OTUD7A: variants seen among roughly 807,000 people sequenced by gnomAD.
OTUD7A encodes the protein OTU domain-containing protein 7A.
In OTUD7A, 12 loss-of-function variants were observed where a neutral mutation model predicts 65.7. The observed-to-expected ratio is 0.18, with a 90% CI of 0.12 to 0.30. The LOEUF (loss-of-function observed/expected upper bound fraction) is 0.30, where lower values mean the gene tolerates loss of function less well. Ranked by LOEUF, OTUD7A falls within the 10% of genes least tolerant of loss-of-function variation. The probability of loss-of-function intolerance (pLI) is 1.00; values close to 1 mark genes in which losing one functional copy is unlikely to be tolerated. For synonymous variants in OTUD7A, 641 were observed against 586.3 expected, an observed-to-expected ratio of 1.09 and a Z score of -1.35; for missense variants, 1,148 against 1,304.8, an observed-to-expected ratio of 0.88 and a Z score of 1.85.
At chr15:31,859,706 A>G (rs557761584) in intron 1 of OTUD7A, among the ~76,000 whole-genome samples, 13 of 152,328 alleles carry the variant, frequency 8.5e-5, no homozygotes, top group Middle Eastern at 3.4e-3. Flanking sequence ...AGGGGCTTTT[A>G]TAAAAGTCCC....
intron 3 of OTUD7A, among the ~76,000 whole-genome samples, chr15:31,578,696 C>T (rs941509569): frequency 6.6e-6 from 1 of 152,116 alleles, no homozygotes; most frequent in African/African-American, 2.4e-5. Flanking sequence ...GGACTACAGG[C>T]GCCTGCCACT....
chr15:31,672,690 T>G (rs1393037203), intron 1 of OTUD7A, among the ~76,000 whole-genome samples: 4 of 152,246 alleles, frequency 2.6e-5, no homozygotes, highest in Non-Finnish European at 5.9e-5. Flanking sequence ...ACGGGGTGTC[T>G]TCAAAAGGTG....
At chr15:31,734,017 G>A (rs1482442602) in intron 1 of OTUD7A, among the ~76,000 whole-genome samples, 2 of 152,072 alleles carry the variant, frequency 1.3e-5, no homozygotes, top group Non-Finnish European at 2.9e-5. Flanking sequence ...ACACTGTCAA[G>A]CAGAGTTCTA....
chr15:31,571,934 TG>T (rs1478230014), intron 3 of OTUD7A, among the ~76,000 whole-genome samples: 3 of 152,300 alleles, frequency 2.0e-5, no homozygotes, highest in Middle Eastern at 3.4e-3. Context: ...GGACACTCTA[TG>T]GTCCCTTCAC....
intron 1 of OTUD7A, among the ~76,000 whole-genome samples, chr15:31,699,913 A>C (rs1893174959): frequency 6.6e-6 from 1 of 152,024 alleles, no homozygotes; most frequent in Non-Finnish European, 1.5e-5. Flanking sequence ...CATTGTTAAC[A>C]AAGAAAATTC....
intron 1 of OTUD7A, chr15:31,766,276 G>C (rs1281272528): frequency 3.1e-6 from 5 of 1,601,632 alleles, no homozygotes; most frequent in Non-Finnish European, 3.4e-6. Context: ...GCATCATGAA[G>C]TTTGGGCATA....
intron 1 of OTUD7A, among the ~76,000 whole-genome samples, chr15:31,843,618 C>T (rs368389256): frequency 6.6e-6 from 1 of 152,204 alleles, no homozygotes; most frequent in South Asian, 2.1e-4. Flanking sequence ...CTTGGCAGAA[C>T]CCCTGCTGAG....
chr15:31,741,941 C>T (rs912440441), intron 1 of OTUD7A, among the ~76,000 whole-genome samples: 1 of 151,964 alleles, frequency 6.6e-6, no homozygotes, highest in Non-Finnish European at 1.5e-5. Flanking sequence ...AAAAATAATT[C>T]TATGCAAATA....
At chr15:31,695,603 C>T (rs879617961) in intron 1 of OTUD7A, among the ~76,000 whole-genome samples, 3 of 151,344 alleles carry the variant, frequency 2.0e-5, no homozygotes, top group Middle Eastern at 3.2e-3. Context: ...GTGTAGGCCA[C>T]GAGGCAGAAA....
intron 4 of OTUD7A, among the ~76,000 whole-genome samples, chr15:31,560,842 G>A (rs1888664932): frequency 6.6e-6 from 1 of 152,222 alleles, no homozygotes; most frequent in Non-Finnish European, 1.5e-5. Context: ...ACACTGACCA[G>A]CACACCACGG....
chr15:31,636,273 A>G (rs1054154007), intron 3 of OTUD7A, among the ~76,000 whole-genome samples: 1 of 152,228 alleles, frequency 6.6e-6, no homozygotes, highest in African/African-American at 2.4e-5. Context: ...GAATTCTCAC[A>G]GTATTTCAAA....
intron 1 of OTUD7A, among the ~76,000 whole-genome samples, chr15:31,862,019 GGTGACA>G (rs1897754989): frequency 6.6e-6 from 1 of 152,112 alleles, no homozygotes; most frequent in Non-Finnish European, 1.5e-5. Flanking sequence ...TTAGGGTGGG[GGTGACA>G]GTGCAGACCC....
intron 1 of OTUD7A, among the ~76,000 whole-genome samples, chr15:31,866,530 C>T (rs758797227): frequency 2.6e-5 from 4 of 152,186 alleles, no homozygotes; most frequent in Non-Finnish European, 4.4e-5. Context: ...GGCGGTTCCC[C>T]CCTTGTGGCA....
At chr15:31,720,534 G>A (rs1893708589) in intron 1 of OTUD7A, among the ~76,000 whole-genome samples, 1 of 151,730 alleles carries the variant, frequency 6.6e-6, no homozygotes, top group Non-Finnish European at 1.5e-5. Context: ...CCGAGTAGCT[G>A]GGACTACAGG....
intron 1 of OTUD7A, among the ~76,000 whole-genome samples, chr15:31,856,687 G>A (rs187297795): frequency 3.9e-4 from 59 of 150,162 alleles, no homozygotes; most frequent in African/African-American, 1.4e-3. Flanking sequence ...CTCGCCACAC[G>A]TTAATTAAAC....
intron 1 of OTUD7A, among the ~76,000 whole-genome samples, chr15:31,680,916 C>A (rs1440250649): frequency 6.6e-6 from 1 of 150,786 alleles, no homozygotes; most frequent in Non-Finnish European, 1.5e-5. Context: ...AGTCACTAAA[C>A]CCCTGTGAAT....
At position 31,530,698 on chromosome 15, in the gene OTUD7A, G is replaced by T; in HGVS notation, c.652+9C>A. On this transcript the variant is annotated intron_variant, in intron 6 of 12. Transcript: ENST00000307050. ...CCTGGCCACCCTCTGTCTGTGCTGT[G>T]GAGCTTACCCAGTGAAGCAGCATGT... 1 of 1,613,216 alleles carries T rather than the reference G, an allele frequency of 6.2e-7. No homozygotes were observed. The highest frequency in any genetic ancestry group is 1.1e-5 in the South Asian group (1 of 91,026).
intron 8 of OTUD7A, among the ~76,000 whole-genome samples, chr15:31,507,852 G>T (rs2041605020): frequency 6.6e-6 from 1 of 152,154 alleles, no homozygotes; most frequent in East Asian, 1.9e-4. Context: ...AGACAGAAAA[G>T]TTCTCCAAGT....
In OTUD7A at chr15:31,632,023, C is replaced by T. The variant is rs540107643; in HGVS notation, c.151+23073G>A. Among the ~76,000 whole-genome samples, 149 of 152,158 alleles carry T rather than the reference C, an allele frequency of 9.8e-4. 1 individual carries two copies. The highest frequency in any genetic ancestry group is 3.5e-3 in the African/African-American group (144 of 41,504). ...TTTTCAAAGTTTTTAACTTCTTTGC[C>T]ATTGGTTTGAATTTCCTCCTGTATC... On this transcript the variant is annotated intron_variant, in intron 3 of 12. Transcript: ENST00000307050.
Sources: allele counts gnomAD v4.1 joint callset (sites outside exome capture counted in the v4.1 genomes callset), GRCh38; gene constraint gnomAD v4.1.1; transcripts MANE v1.5; gene names NCBI Gene and HGNC (gene_info 2026-07-23, HGNC 2026-07-21).